Variants in PABPC1L observed in about 807,000 individuals in gnomAD.
The protein encoded by PABPC1L is poly(A) binding protein cytoplasmic 1 like, also known as polyadenylate-binding protein 1-like.
Under a neutral mutation model 66.6 loss-of-function variants are expected in PABPC1L, and 31 were observed. The observed-to-expected ratio is 0.47, with a 90% CI of 0.35 to 0.63. The LOEUF is 0.63. Ranked by LOEUF, PABPC1L falls within the 20% of genes least tolerant of loss-of-function variation. The pLI, the probability that PABPC1L is intolerant of heterozygous loss-of-function variation, is 0.00. For synonymous variants in PABPC1L, 348 were observed against 335.1 expected (o/e 1.04, Z -0.42); for missense variants, 722 against 848.8 (o/e 0.85, Z 1.86).
chr20:44,928,864 C>CAAAGAAAAAAAA (rs2066829003), intron 7 of PABPC1L, among the ~76,000 whole-genome samples: 1 of 54,358 alleles, frequency 1.8e-5, no homozygotes, highest in African/African-American at 8.5e-5. Context: ...GATCCTGACT[C>CAAAGAAAAAAAA]AAAAAAAAAA....
At chr20:44,937,943 G>A in intron 12 of PABPC1L, 118 bp from the exon 13 acceptor site, 15 of 1,382,288 alleles carry the variant, frequency 1.1e-5, no homozygotes, top group African/African-American at 1.5e-5. Context: ...TCATAGCCTA[G>A]AAGGAGCAGT....
chr20:44,921,576 C>T lies in PABPC1L; in HGVS notation c.739-18C>T, dbSNP rs1178144331. ...CATCTGAGTGGTTACCAAGCATGTTCCCTCCTCCTTTCCCCAGGCCGTGGT... is the reference window on the plus strand; with the variant it reads ...CATCTGAGTGGTTACCAAGCATGTTTCCTCCTCCTTTCCCCAGGCCGTGGT... On this transcript the variant is annotated intron_variant, in intron 5 of 14. Transcript: ENST00000217073. 13 of 1,613,308 alleles carry T rather than the reference C, an allele frequency of 8.1e-6. No homozygotes were observed. The highest frequency in any genetic ancestry group is 1.1e-5 in the Non-Finnish European group (13 of 1,179,724).
chr20:44,917,939 C>A lies in PABPC1L; in HGVS notation c.504-967C>A, dbSNP rs145042270. Among the ~76,000 whole-genome samples the A allele has an allele frequency of 3.3e-5, 5 of 152,288 alleles. No homozygotes were observed. In the East Asian group the frequency reaches 9.6e-4, roughly 29 times the overall value. ...CTGGTACAACTTTGTTTGTGCTAAA[C>A]GTGCTATAGATACCATCAGAATTTA... On this transcript the variant is annotated intron_variant, in intron 3 of 14. Coordinates refer to ENST00000217073, the MANE Select transcript of PABPC1L (RefSeq NM_001372179.1).
chr20:44,920,067 C>G (rs1038874885), intron 5 of PABPC1L, among the ~76,000 whole-genome samples: 7 of 152,056 alleles, frequency 4.6e-5, no homozygotes, highest in Non-Finnish European at 1.0e-4. Context: ...TACCCCATTC[C>G]CCCAACACAT....
Position 44,910,223 on chromosome 20 carries a change from T to C in PABPC1L, c.80T>C (p.Leu27Pro). The C allele has an allele frequency of 6.3e-7, 1 of 1,577,570 alleles. No individual in the cohort carries two copies. ...DLHPDVTEAMLYEKFSPAGPI... is the reference protein window; with the variant it reads ...DLHPDVTEAMPYEKFSPAGPI... ...CACCCCGACGTGACCGAGGCCATGC[T>C]CTATGAGAAGTTCTCTCCCGCCGGC... The change falls in exon 1 of 15, where the codon CTC becomes CCC. Residue 27 changes from leucine to proline, a missense_variant. Transcript: ENST00000217073.
rs769565583 is a variant in PABPC1L, at chr20:44,933,185, G to A, written c.1459G>A (p.Ala487Thr). The A allele has an allele frequency of 4.4e-5, 70 of 1,599,236 alleles. No homozygotes were observed. Among genetic ancestry groups the A allele is most frequent in the Non-Finnish European group, 2.6e-6 (3 of 1,173,562 alleles). Residue 487 changes from alanine (A) to threonine (T), a missense_variant and splice_region_variant, in exon 10 of 15, where the codon GCC becomes ACC. Physicochemically the swap from Ala to Thr is moderately conservative, Grantham distance 58. Coordinates refer to ENST00000217073, the MANE Select transcript of PABPC1L (RefSeq NM_001372179.1). ...PRTVPHTQRVANIGTQTTGPS... is the reference protein window; with the variant it reads ...PRTVPHTQRVTNIGTQTTGPS... ...CACGGTGCCTCATACCCAGAGAGTA[G>A]GTGAGTGTGGGTAGGGCCAAGGGGA... is the stretch of plus-strand genomic sequence containing the variant.
chr20:44,916,300 T>G (rs2066737306), intron 2 of PABPC1L, among the ~76,000 whole-genome samples: 1 of 152,140 alleles, frequency 6.6e-6, no homozygotes. Flanking sequence ...TGACACAGAG[T>G]CTCACTCTGT....
Position 44,938,738 on chromosome 20 carries a change from A to C in PABPC1L, c.1856A>C (p.His619Pro). 6.2e-7 allele frequency: 1 copy of C among 1,611,054 alleles called. No individual in the cohort carries two copies. Reference sequence around the variant, plus strand: ...ATGGAGCAGCCGAAGGCGTACATGCACTGAAACCAGGTGGGTGGAATGGTG... The same window carrying C: ...ATGGAGCAGCCGAAGGCGTACATGCCCTGAAACCAGGTGGGTGGAATGGTG... Reference protein sequence around the residue: ...QAMEQPKAYMH With the variant: ...QAMEQPKAYMP Residue 619 changes from histidine to proline, a missense_variant, in exon 14 of 15, where the codon CAC (histidine) becomes CCC (proline). Physicochemically the swap from His to Pro is moderately conservative, Grantham distance 77 (BLOSUM62 -2). This residue lies in a region of PABPC1L where 301 missense variants were observed against 337.2 expected (regional missense o/e 0.89). Transcript: ENST00000217073.
Position 44,939,055 on chromosome 20 carries a change from C to T in PABPC1L, c.*7-71C>T, listed in dbSNP as rs1050138997. The T allele has an allele frequency of 8.4e-6, 6 of 716,212 alleles. No individual in the cohort carries two copies. The African/African-American group carries it at 8.7e-5, about 10-fold the overall frequency. 44.4% of individuals were successfully genotyped at this position (716,212 alleles called of 1,614,324 possible). ...GCCTGAAGGCCTGGCCAGGATGTAA[C>T]CACCTTCTTTATTGAAGACTGGGTG... On this transcript the variant is annotated intron_variant, in intron 14 of 14. Transcript: ENST00000217073.
At chr20:44,933,523 G>A (rs1178941375) in intron 10 of PABPC1L, among the ~76,000 whole-genome samples, 1 of 151,718 alleles carries the variant, frequency 6.6e-6, no homozygotes, top group Non-Finnish European at 1.5e-5. Context: ...TCTGCTCACT[G>A]CAACCTCCGC....
Position 44,910,174 on chromosome 20 carries a change from G to A in PABPC1L, c.31G>A (p.Ala11Thr). The change falls in exon 1 of 15, where the codon GCC becomes ACC. Residue 11 changes from alanine (A) to threonine (T), a missense_variant. Transcript: ENST00000217073. ...CGCCAGCGGTTCTGGCTACCCGCTT[G>A]CCTCGCTTTACGTGGGCGATCTGCA... MNASGSGYPL[A>T]SLYVGDLHPD... 6.3e-7 allele frequency: 1 copy of A among 1,577,244 alleles called. No homozygotes were observed. The highest frequency in any genetic ancestry group is 1.8e-5 in the Admixed American group (1 of 55,334).
At position 44,912,716 on chromosome 20, in the gene PABPC1L, A is replaced by C. The variant is rs377752035; in HGVS notation, c.250A>C (p.Ile84Leu). ...FEMLKGQPIR[I>L]MWSQRDPGLR... Reference sequence around the variant, plus strand: ...GATGCTCAAAGGCCAGCCTATTCGCATCATGTGGTCCCAGCGAGACCCAGG... The same window carrying C: ...GATGCTCAAAGGCCAGCCTATTCGCCTCATGTGGTCCCAGCGAGACCCAGG... Residue 84 changes from isoleucine (I) to leucine (L), a missense_variant, in exon 2 of 15, where the codon ATC becomes CTC. Around this residue, in one of 3 missense-constraint regions of PABPC1L, gnomAD observed 284 missense variants for 294.8 expected, o/e 0.96. Transcript: ENST00000217073. The C allele has an allele frequency of 6.2e-7, 1 of 1,614,196 alleles. No homozygotes were observed. Among genetic ancestry groups the C allele is most frequent in the Non-Finnish European group, 8.5e-7 (1 of 1,180,020 alleles).
In PABPC1L at chr20:44,930,655, C is replaced by G. The variant is rs200290235; in HGVS notation, c.1168C>G (p.Arg390Gly). 212 of 1,614,100 alleles carry G rather than the reference C, an allele frequency of 1.3e-4. 2 individuals carry two copies. Among genetic ancestry groups the G allele is most frequent in the African/African-American group, 1.3e-5 (1 of 74,950 alleles). The change falls in exon 8 of 15, where the codon CGG becomes GGG. Residue 390 changes from arginine (R) to glycine (G), a missense_variant. Around this residue, in one of 3 missense-constraint regions of PABPC1L, gnomAD observed 301 missense variants for 337.2 expected, o/e 0.89. Coordinates refer to ENST00000217073, the MANE Select transcript of PABPC1L (RefSeq NM_001372179.1). ...NQYMQRLSTMRTLSNPLLGSF... is the reference protein window; with the variant it reads ...NQYMQRLSTMGTLSNPLLGSF... ...GTACATGCAGCGCCTCTCCACCATG[C>G]GGACCCTGAGCAACCCCCTCCTGGG...
rs1481664955 is a variant in PABPC1L at position 44,936,522 on chromosome 20, C to G, written c.1567-115C>G. 3 of 798,082 alleles carry G rather than the reference C, an allele frequency of 3.8e-6. No homozygotes were observed. The South Asian group carries it at 5.5e-5, about 15-fold the overall frequency. 49.4% of individuals were successfully genotyped at this position (798,082 alleles called of 1,614,324 possible). A position where few individuals can be genotyped will look rare whatever the true frequency, so the allele number is the denominator to read the frequency against. On this transcript the variant is annotated intron_variant, in intron 11 of 14. Transcript: ENST00000217073. ...ACCCCACCTGATCATCCAGACCTTGCCCTCTGTTCCCCTCCTCCAGTGCCT... is the reference window on the plus strand; with the variant it reads ...ACCCCACCTGATCATCCAGACCTTGGCCTCTGTTCCCCTCCTCCAGTGCCT...
rs369327468 is a variant in PABPC1L at position 44,932,420 on chromosome 20, C to T, written c.1318C>T (p.Pro440Ser). 1 of 1,613,348 alleles carries T rather than the reference C, an allele frequency of 6.2e-7. No individual in the cohort carries two copies. The highest frequency in any genetic ancestry group is 1.7e-5 in the Admixed American group (1 of 59,954). ...QPAPRWTSQP[P>S]RPSSAYPPGA... Reference sequence around the variant, plus strand: ...TGCCCCCAGGTGGACATCCCAGCCACCTAGACCTTCCTGTGAGTGACCCAG... The same window carrying T: ...TGCCCCCAGGTGGACATCCCAGCCATCTAGACCTTCCTGTGAGTGACCCAG... The change falls in exon 9 of 15, where the codon CCT becomes TCT. Residue 440 changes from proline to serine, a missense_variant. Pro to Ser is a moderately conservative substitution (Grantham distance 74). Coordinates refer to ENST00000217073, the MANE Select transcript of PABPC1L (RefSeq NM_001372179.1).
rs747060372 is a variant in PABPC1L at position 44,921,582 on chromosome 20, T to A, written c.739-12T>A. 3.7e-6 allele frequency: 6 copies of A among 1,613,648 alleles called. No homozygotes were observed. In the South Asian group the frequency reaches 6.6e-5, roughly 18 times the overall value. On this transcript the variant is annotated splice_polypyrimidine_tract_variant and intron_variant, in intron 5 of 14. Transcript: ENST00000217073. ...AGTGGTTACCAAGCATGTTCCCTCC[T>A]CCTTTCCCCAGGCCGTGGTCCATAT...
At chr20:44,932,657 T>C in intron 9 of PABPC1L, 1 of 517,916 alleles carries the variant, frequency 1.9e-6, no homozygotes, top group Non-Finnish European at 3.4e-6. Context: ...CCACCAGCAG[T>C]CATCACCAAA....
In PABPC1L at chr20:44,910,087, G is replaced by C. The variant is rs986528561; in HGVS notation, c.-57G>C. On this transcript the variant is annotated 5_prime_UTR_variant, in exon 1 of 15. Coordinates refer to ENST00000217073, the MANE Select transcript of PABPC1L (RefSeq NM_001372179.1). ...GGAGGGCTTCCGCCCGGGTGAGCGC[G>C]GGGCTGCTGGGTGACCCGGCTCCTG... is the stretch of plus-strand genomic sequence containing the variant. 3.5e-6 allele frequency: 5 copies of C among 1,446,736 alleles called. No homozygotes were observed. Among genetic ancestry groups the C allele is most frequent in the Admixed American group, 2.2e-5 (1 of 45,180 alleles). The allele number at this position is 1,446,736 out of a possible 1,614,324, so 89.6% of individuals were successfully genotyped here.
rs889615644 is a variant in PABPC1L, at chr20:44,932,500, C to G, written c.1330+68C>G. 22 of 1,411,988 alleles carry G rather than the reference C, an allele frequency of 1.6e-5. No individual in the cohort carries two copies. The African/African-American group carries it at 2.9e-4, about 18-fold the overall frequency. The allele number at this position is 1,411,988 out of a possible 1,614,324, so 87.5% of individuals were successfully genotyped here. A position where few individuals can be genotyped will look rare whatever the true frequency, so the allele number is the denominator to read the frequency against. ...TGTGGGCCCCGTGAGGCAGTCATAA[C>G]ACAGGGATGAAACCTGGCTCTGCCA... On this transcript the variant is annotated intron_variant, in intron 9 of 14. Transcript: ENST00000217073.
Sources: allele counts gnomAD v4.1 joint callset (sites outside exome capture counted in the v4.1 genomes callset), GRCh38; gene constraint gnomAD v4.1.1; regional missense constraint gnomAD v4.1.1; transcripts MANE v1.5; gene names NCBI Gene and HGNC (gene_info 2026-07-23, HGNC 2026-07-21).